The following EPHA7 variants were observed in gnomAD, a reference collection of about 807,000 sequenced individuals.
The protein encoded by EPHA7 is EPH receptor A7, also known as ephrin type-A receptor 7.
In EPHA7, 25 loss-of-function variants were observed where a neutral mutation model predicts 112.6. That is an observed-to-expected ratio of 0.22 (90% CI 0.16 to 0.31). EPHA7 has a LOEUF of 0.31. Ranked by LOEUF, EPHA7 falls within the 10% of genes least tolerant of loss-of-function variation. The pLI is 1.00. For synonymous variants in EPHA7, 437 were observed against 406.5 expected, an observed-to-expected ratio of 1.07 and a Z score of -0.90; for missense variants, 962 against 1,212.6, an observed-to-expected ratio of 0.79 and a Z score of 3.07.
chr6:93,370,047 G>C, intron 3 of EPHA7, among the ~76,000 whole-genome samples: 1 of 152,136 alleles, frequency 6.6e-6, no homozygotes, highest in African/African-American at 2.4e-5. Flanking sequence ...GCCATGTTTA[G>C]ACTAATACTT....
chr6:93,258,451 C>T lies in EPHA7; in HGVS notation c.1925-167G>A, dbSNP rs374848924. On this transcript the variant is annotated intron_variant, in intron 10 of 16. Transcript: ENST00000369303. ...AAAGCCCTGTGAGTTACACTGAATA[C>T]ATTCCCATATATAGGGGAGTCTATT... Among the ~76,000 whole-genome samples, 29 of 152,028 alleles carry T rather than the reference C, an allele frequency of 1.9e-4. No homozygotes were observed. In the East Asian group the frequency reaches 5.2e-3, roughly 27 times the overall value.
At chr6:93,409,049 T>C (rs921417443) in intron 3 of EPHA7, among the ~76,000 whole-genome samples, 1 of 152,036 alleles carries the variant, frequency 6.6e-6, no homozygotes, top group Non-Finnish European at 1.5e-5. Flanking sequence ...TCTCAATGTT[T>C]AATAGTCATT....
At chr6:93,254,478 A>G (rs1029703417) in intron 14 of EPHA7, among the ~76,000 whole-genome samples, 169 bp downstream of exon 14, 1 of 152,208 alleles carries the variant, frequency 6.6e-6, no homozygotes, top group African/African-American at 2.4e-5. Flanking sequence ...CCAAAATAAT[A>G]AAATTAGTAG....
chr6:93,392,526 C>T (rs1197217872), intron 3 of EPHA7, among the ~76,000 whole-genome samples: 3 of 151,800 alleles, frequency 2.0e-5, no homozygotes, highest in Non-Finnish European at 4.4e-5. Flanking sequence ...GATTATATGA[C>T]AAAAATCTTA....
intron 1 of EPHA7, among the ~76,000 whole-genome samples, chr6:93,417,233 C>G (rs1779282842): frequency 1.3e-5 from 2 of 152,160 alleles, no homozygotes. Flanking sequence ...CCTCTAGCCA[C>G]CCCCAAATGC....
At chr6:93,266,733 T>C (rs1379956622) in intron 7 of EPHA7, among the ~76,000 whole-genome samples, 2 of 151,804 alleles carry the variant, frequency 1.3e-5, no homozygotes, top group South Asian at 2.1e-4. Context: ...AAGTCACTGC[T>C]CCCTGACATG....
intron 5 of EPHA7, among the ~76,000 whole-genome samples, chr6:93,287,203 A>G (rs1203118881): frequency 6.6e-6 from 1 of 152,162 alleles, no homozygotes. Context: ...CCATGAAAAT[A>G]AAATTGTTTC....
chr6:93,259,257 T>C lies in EPHA7; in HGVS notation c.1924+97A>G, dbSNP rs577727824. ...ACAGTTCAGGTAAATGCAAAAGTTC[T>C]ATACTTGAGGGATAATTATTTGCCT... On this transcript the variant is annotated intron_variant, in intron 10 of 16. Coordinates refer to ENST00000369303, the MANE Select transcript of EPHA7 (RefSeq NM_004440.4). The C allele has an allele frequency of 5.0e-5, 74 of 1,479,116 alleles. No homozygotes were observed. In the African/African-American group the frequency reaches 9.8e-4, roughly 20 times the overall value. 91.6% of individuals were successfully genotyped at this position (1,479,116 alleles called of 1,614,324 possible).
At position 93,341,370 on chromosome 6, in the gene EPHA7, T is replaced by C. The variant is rs150490621; in HGVS notation, c.1324+15347A>G. Reference sequence around the variant, plus strand: ...AGACTACAACAGAAGGCAAATTTTATATTTCAAACTTACTTTGAGTGTGCG... The same window carrying C: ...AGACTACAACAGAAGGCAAATTTTACATTTCAAACTTACTTTGAGTGTGCG... On this transcript the variant is annotated intron_variant, in intron 5 of 16. Coordinates refer to ENST00000369303, the MANE Select transcript of EPHA7 (RefSeq NM_004440.4). 2.1e-3 allele frequency among the ~76,000 whole-genome samples: 322 copies of C among 151,994 alleles called. 1 individual carries two copies. The highest frequency in any genetic ancestry group is 7.4e-3 in the African/African-American group (307 of 41,532).
chr6:93,375,708 AAT>A (rs1363985312), intron 3 of EPHA7, among the ~76,000 whole-genome samples: 2 of 152,076 alleles, frequency 1.3e-5, no homozygotes, highest in African/African-American at 4.8e-5. Context: ...ATGAAAAAAG[AAT>A]AGAGTTCTGT....
At chr6:93,271,668 T>C (rs1771225534) in intron 6 of EPHA7, among the ~76,000 whole-genome samples, 1 of 151,908 alleles carries the variant, frequency 6.6e-6, no homozygotes, top group Admixed American at 6.6e-5. Flanking sequence ...TTAGTCATTA[T>C]AGGTGGATTA....
At chr6:93,338,221 G>A (rs1158127567) in intron 5 of EPHA7, among the ~76,000 whole-genome samples, 1 of 152,044 alleles carries the variant, frequency 6.6e-6, no homozygotes, top group Non-Finnish European at 1.5e-5. Context: ...AGTGCTTGAG[G>A]AAATCACATG....
intron 3 of EPHA7, among the ~76,000 whole-genome samples, chr6:93,370,656 C>G (rs1776742644): frequency 6.6e-6 from 1 of 151,918 alleles, no homozygotes; most frequent in Admixed American, 6.6e-5. Context: ...ATTCACACAC[C>G]CTTCTGTACA....
intron 3 of EPHA7, among the ~76,000 whole-genome samples, chr6:93,387,362 T>C (rs1284158351): frequency 6.6e-6 from 1 of 152,132 alleles, no homozygotes; most frequent in Non-Finnish European, 1.5e-5. Flanking sequence ...CTGAACTTCA[T>C]TGTCATCATT....
rs984125869 is a variant in EPHA7 at position 93,346,936 on chromosome 6, T to C, written c.1324+9781A>G. Among the ~76,000 whole-genome samples the C allele has an allele frequency of 2.0e-5, 3 of 151,850 alleles. No homozygotes were observed. The Admixed American group carries it at 2.0e-4, about 10-fold the overall frequency. On this transcript the variant is annotated intron_variant, in intron 5 of 16. Transcript: ENST00000369303. ...GAATATTCAGCTTACTTACAATGTC[T>C]ACTACATAAACTCGCAATTGCAAAA...
At chr6:93,276,721 GTA>G (rs1771490513) in intron 5 of EPHA7, among the ~76,000 whole-genome samples, 1 of 152,020 alleles carries the variant, frequency 6.6e-6, no homozygotes, top group Non-Finnish European at 1.5e-5. Context: ...ATATTAAATT[GTA>G]TGTTGAAATA....
intron 3 of EPHA7, among the ~76,000 whole-genome samples, chr6:93,367,968 G>T (rs1293709317): frequency 4.6e-5 from 7 of 152,000 alleles, no homozygotes; most frequent in African/African-American, 1.7e-4. Flanking sequence ...ATACAAATTA[G>T]TTATTAACCA....
chr6:93,257,594 A>G, intron 11 of EPHA7, 71 bp from the exon 12 acceptor site: 1 of 940,888 alleles, frequency 1.1e-6, no homozygotes, highest in East Asian at 2.4e-5. Context: ...CTCATCCCCC[A>G]ATAAAACACA....
At chr6:93,308,901 AT>A (rs1773391746) in intron 5 of EPHA7, among the ~76,000 whole-genome samples, 1 of 151,958 alleles carries the variant, frequency 6.6e-6, no homozygotes, top group Non-Finnish European at 1.5e-5. Context: ...CTATGTGTAG[AT>A]TTTAAAAGCC....
Sources: gnomAD v4.1 joint callset for allele counts (sites outside exome capture counted in the v4.1 genomes callset) on GRCh38, gnomAD v4.1.1 for gene constraint, MANE v1.5 for transcripts, NCBI Gene and HGNC (gene_info 2026-07-23, HGNC 2026-07-21) for gene names.